MCU: variants seen among roughly 807,000 people sequenced by gnomAD.
The protein encoded by MCU is calcium uniporter protein, mitochondrial.
A neutral mutation model predicts 45.2 loss-of-function variants in MCU; 12 were observed. The observed-to-expected ratio is 0.27, with a 90% CI of 0.17 to 0.43. The LOEUF is 0.43. Ranked by LOEUF, MCU falls within the 20% of genes least tolerant of loss-of-function variation. The pLI is 1.00. For synonymous variants in MCU, 160 were observed against 165.1 expected (o/e 0.97, Z 0.24); for missense variants, 324 against 436.7 (o/e 0.74, Z 2.30).
At chr10:72,806,772 G>C (rs187090469) in intron 1 of MCU, among the ~76,000 whole-genome samples, 2 of 152,154 alleles carry the variant, frequency 1.3e-5, no homozygotes, top group Admixed American at 6.5e-5. Flanking sequence ...TTTGAGGAGG[G>C]GTTGTTTAGT....
At chr10:72,756,197 G>C (rs1411988422) in intron 1 of MCU, among the ~76,000 whole-genome samples, 1 of 152,052 alleles carries the variant, frequency 6.6e-6, no homozygotes, top group East Asian at 1.9e-4. Flanking sequence ...GTGTTGCCCA[G>C]GCTGGTCTTG....
At chr10:72,736,934 C>T (rs1269249683) in intron 1 of MCU, among the ~76,000 whole-genome samples, 1 of 152,186 alleles carries the variant, frequency 6.6e-6, no homozygotes, top group Admixed American at 6.5e-5. Flanking sequence ...AAAGAGCTTT[C>T]ACAGGCTGGT....
At chr10:72,844,955 A>G (rs960934252) in intron 2 of MCU, among the ~76,000 whole-genome samples, 1 of 152,178 alleles carries the variant, frequency 6.6e-6, no homozygotes, top group African/African-American at 2.4e-5. Context: ...TGATCAACTT[A>G]CTTAAAAATT....
intron 1 of MCU, among the ~76,000 whole-genome samples, chr10:72,704,775 C>T (rs1437110136): frequency 2.2e-5 from 3 of 138,422 alleles, no homozygotes; most frequent in South Asian, 2.3e-4. Context: ...AGTGCAGTGG[C>T]GCGATCTCGA....
chr10:72,769,144 C>T (rs1843770284), intron 1 of MCU, among the ~76,000 whole-genome samples: 1 of 152,100 alleles, frequency 6.6e-6, no homozygotes, highest in Non-Finnish European at 1.5e-5. Flanking sequence ...TCATGCCCAG[C>T]CATTTTGTAG....
intron 1 of MCU, among the ~76,000 whole-genome samples, chr10:72,770,767 A>G (rs146085179): frequency 6.6e-6 from 1 of 152,090 alleles, no homozygotes; most frequent in Non-Finnish European, 1.5e-5. Flanking sequence ...AATATATTAC[A>G]TTCCTAAATG....
At chr10:72,751,469 C>T (rs1278792478) in intron 1 of MCU, among the ~76,000 whole-genome samples, 2 of 148,430 alleles carry the variant, frequency 1.3e-5, no homozygotes, top group South Asian at 2.1e-4. Flanking sequence ...ATTTTCGTGC[C>T]TCAGCCTCCT....
intron 1 of MCU, among the ~76,000 whole-genome samples, chr10:72,745,941 C>T (rs1843409505): frequency 6.6e-6 from 1 of 152,100 alleles, no homozygotes; most frequent in Admixed American, 6.5e-5. Flanking sequence ...TGAACCATTA[C>T]CACTATCCAC....
chr10:72,724,412 A>G (rs1272234529), intron 1 of MCU, among the ~76,000 whole-genome samples: 2 of 152,152 alleles, frequency 1.3e-5, no homozygotes, highest in African/African-American at 4.8e-5. Context: ...CTTAACTCTC[A>G]TAGAGATGTT....
At chr10:72,841,486 T>G (rs1034246311) in intron 2 of MCU, among the ~76,000 whole-genome samples, 1 of 152,104 alleles carries the variant, frequency 6.6e-6, no homozygotes, top group Non-Finnish European at 1.5e-5. Context: ...TTATTAGAGA[T>G]GGGGTTTCAC....
At chr10:72,702,778 A>G (rs1842773815) in intron 1 of MCU, among the ~76,000 whole-genome samples, 1 of 152,054 alleles carries the variant, frequency 6.6e-6, no homozygotes, top group Non-Finnish European at 1.5e-5. Flanking sequence ...GGAGCTCAAG[A>G]CCAGCCTGGC....
chr10:72,716,563 G>T (rs1015923822), intron 1 of MCU, among the ~76,000 whole-genome samples: 1 of 151,900 alleles, frequency 6.6e-6, no homozygotes, highest in Non-Finnish European at 1.5e-5. Flanking sequence ...TCAGTGGTAG[G>T]ATGTTATTAC....
At position 72,726,243 on chromosome 10, in the gene MCU, GCA is replaced by G. The variant is rs1321730653; in HGVS notation, c.150+33954_150+33955del. 3.4e-3 allele frequency among the ~76,000 whole-genome samples: 366 copies of G among 106,642 alleles called. 1 individual carries two copies. The highest frequency in any genetic ancestry group is 0.012 in the African/African-American group (288 of 24,260). The allele number at this position is 106,642 out of a possible 152,430, so 70.0% of individuals were successfully genotyped here. ...GTCTATCAGCACACACATACTTCAGGCACACACACACACGTGTGTGTGTGTGT... is the reference window on the plus strand; with the variant it reads ...GTCTATCAGCACACACATACTTCAGGCACACACACACGTGTGTGTGTGTGT... On this transcript the variant is annotated intron_variant, in intron 1 of 7. Transcript: ENST00000373053.
intron 1 of MCU, among the ~76,000 whole-genome samples, chr10:72,734,051 T>C (rs1843217915): frequency 6.6e-6 from 1 of 152,082 alleles, no homozygotes; most frequent in South Asian, 2.1e-4. Context: ...AAGTAAGAAC[T>C]AGAGGCAGAA....
intron 2 of MCU, among the ~76,000 whole-genome samples, chr10:72,851,951 T>C (rs1406171056): frequency 6.6e-6 from 1 of 152,208 alleles, no homozygotes; most frequent in African/African-American, 2.4e-5. Flanking sequence ...AGATTAGGTG[T>C]CTTTCACTGT....
At chr10:72,786,355 C>T (rs1844071186) in intron 1 of MCU, among the ~76,000 whole-genome samples, 1 of 152,142 alleles carries the variant, frequency 6.6e-6, no homozygotes, top group Non-Finnish European at 1.5e-5. Context: ...CCTGGCTGTG[C>T]TCATTCTTAG....
intron 1 of MCU, among the ~76,000 whole-genome samples, chr10:72,804,154 T>A (rs946835181): frequency 6.7e-6 from 1 of 148,310 alleles, no homozygotes; most frequent in Non-Finnish European, 1.5e-5. Flanking sequence ...TGGCACAGTC[T>A]TGGCTCACTG....
chr10:72,749,392 G>C (rs1843462248), intron 1 of MCU, among the ~76,000 whole-genome samples: 3 of 151,984 alleles, frequency 2.0e-5, no homozygotes, highest in Admixed American at 2.0e-4. Context: ...TAAGGTATAA[G>C]GTATTTACTA....
chr10:72,702,281 A>C (rs920051263), intron 1 of MCU, among the ~76,000 whole-genome samples: 1 of 152,034 alleles, frequency 6.6e-6, no homozygotes, highest in Non-Finnish European at 1.5e-5. Flanking sequence ...GAAGAAGAAA[A>C]AGAAAAAAAT....
Sources: allele counts gnomAD v4.1 joint callset (sites outside exome capture counted in the v4.1 genomes callset), GRCh38; gene constraint gnomAD v4.1.1; transcripts MANE v1.5; gene names NCBI Gene and HGNC (gene_info 2026-07-23, HGNC 2026-07-21).